Variants in PPP3CA observed in about 807,000 individuals in gnomAD.
PPP3CA encodes CAM-PRP catalytic subunit.
A neutral mutation model predicts 66.5 loss-of-function variants in PPP3CA; 14 were observed. The observed-to-expected ratio is 0.21, with a 90% CI of 0.14 to 0.33. PPP3CA has a LOEUF of 0.33. PPP3CA is among the 10% of genes least tolerant of loss of function. PPP3CA has a pLI of 1.00. For missense variants in PPP3CA, 317 were observed against 639.5 expected (o/e 0.50, Z 5.44); for synonymous variants, 232 against 226.2 (o/e 1.03, Z -0.23).
intron 1 of PPP3CA, among the ~76,000 whole-genome samples, chr4:101,322,985 A>G (rs1418682435): frequency 6.6e-6 from 1 of 152,182 alleles, no homozygotes. Flanking sequence ...GTATCAATGT[A>G]TTTAATTAAT....
rs375685378 is a variant in PPP3CA, at chr4:101,109,922, G to A, written c.260-844C>T. Among the ~76,000 whole-genome samples the A allele has an allele frequency of 1.4e-4, 21 of 152,010 alleles. No individual in the cohort carries two copies. The East Asian group carries it at 2.9e-3, about 21-fold the overall frequency. On this transcript the variant is annotated intron_variant, in intron 2 of 13. Coordinates refer to ENST00000394854, the MANE Select transcript of PPP3CA (RefSeq NM_000944.5). ...CTCTAAAAATAATATTTTTATCTCA[G>A]TTATACAGATAATGAAATAATATAG...
chr4:101,056,263 A>AAACTT (rs1163762545), intron 10 of PPP3CA, among the ~76,000 whole-genome samples: 1 of 152,214 alleles, frequency 6.6e-6, no homozygotes, highest in African/African-American at 2.4e-5. Context: ...ATTGCCTAGT[A>AAACTT]AACTTAACAT....
chr4:101,200,115 C>T (rs987253553), intron 1 of PPP3CA, among the ~76,000 whole-genome samples: 1 of 152,060 alleles, frequency 6.6e-6, no homozygotes, highest in African/African-American at 2.4e-5. Flanking sequence ...TGGGATAGTT[C>T]CAGGTATCTA....
At chr4:101,173,472 C>T (rs1397260379) in intron 2 of PPP3CA, among the ~76,000 whole-genome samples, 2 of 152,018 alleles carry the variant, frequency 1.3e-5, no homozygotes, top group Admixed American at 1.3e-4. Flanking sequence ...TAGCAATTGA[C>T]ATTTTTATTA....
chr4:101,155,507 A>C (rs1723289800), intron 2 of PPP3CA, among the ~76,000 whole-genome samples: 1 of 152,196 alleles, frequency 6.6e-6, no homozygotes, highest in Non-Finnish European at 1.5e-5. Flanking sequence ...CAAGCACTCC[A>C]AGATCAGAAA....
At chr4:101,246,965 T>C (rs1004443830) in intron 1 of PPP3CA, among the ~76,000 whole-genome samples, 21 of 152,208 alleles carry the variant, frequency 1.4e-4, no homozygotes, top group Admixed American at 3.9e-4. Flanking sequence ...TCATCAACCT[T>C]ATGAGAAAAA....
intron 1 of PPP3CA, among the ~76,000 whole-genome samples, chr4:101,311,726 T>C (rs1728727967): frequency 6.6e-6 from 1 of 152,138 alleles, no homozygotes; most frequent in African/African-American, 2.4e-5. Flanking sequence ...GTTGCAGTGA[T>C]CTGAGATCGT....
chr4:101,258,470 T>G (rs1431636677), intron 1 of PPP3CA, among the ~76,000 whole-genome samples: 2 of 152,112 alleles, frequency 1.3e-5, no homozygotes, highest in African/African-American at 4.8e-5. Context: ...TCTCAATGTT[T>G]TAGACACTAA....
chr4:101,163,716 T>C (rs1483357858), intron 2 of PPP3CA, among the ~76,000 whole-genome samples: 1 of 152,154 alleles, frequency 6.6e-6, no homozygotes, highest in Non-Finnish European at 1.5e-5. Flanking sequence ...CTCTGGCATA[T>C]ATGATAGGTA....
chr4:101,026,653 G>GA (rs35085033), intron 13 of PPP3CA, among the ~76,000 whole-genome samples: 29 of 125,110 alleles, frequency 2.3e-4, no homozygotes, highest in Admixed American at 6.0e-4. Context: ...ATGATGACAT[G>GA]AAAAAAAAAG....
rs3077992 is a variant in PPP3CA at position 101,278,122 on chromosome 4, TAA to T, written c.58+68615_58+68616del. Among the ~76,000 whole-genome samples, 546 of 112,076 alleles carry T rather than the reference TAA, an allele frequency of 4.9e-3. 4 individuals carry two copies. Among genetic ancestry groups the T allele is most frequent in the Middle Eastern group, 0.013 (3 of 230 alleles). The allele number at this position is 112,076 out of a possible 152,430, so 73.5% of individuals were successfully genotyped here. A position where few individuals can be genotyped will look rare whatever the true frequency, so the allele number is the denominator to read the frequency against. On this transcript the variant is annotated intron_variant, in intron 1 of 13. Transcript: ENST00000394854. Reference sequence around the variant, plus strand: ...AAAATGAAACTTTAAAAGCTATTAGTAAAAAAAAAAAAAAAAATAAAAAAATT... The same window carrying T: ...AAAATGAAACTTTAAAAGCTATTAGTAAAAAAAAAAAAAAATAAAAAAATT...
intron 3 of PPP3CA, among the ~76,000 whole-genome samples, chr4:101,100,935 A>T (rs571756037): frequency 1.3e-5 from 2 of 152,276 alleles, no homozygotes; most frequent in Admixed American, 6.5e-5. Flanking sequence ...ATGATAATTT[A>T]TGAAATGAGT....
At chr4:101,131,954 C>T (rs1298012920) in intron 2 of PPP3CA, among the ~76,000 whole-genome samples, 1 of 152,196 alleles carries the variant, frequency 6.6e-6, no homozygotes, top group Admixed American at 6.5e-5. Flanking sequence ...GAAAGCCACT[C>T]AAAACCACAC....
At chr4:101,305,275 C>T (rs1728499481) in intron 1 of PPP3CA, among the ~76,000 whole-genome samples, 1 of 152,100 alleles carries the variant, frequency 6.6e-6, no homozygotes, top group East Asian at 1.9e-4. Context: ...TTTTAAAGTT[C>T]ACGACTGAAA....
At chr4:101,242,467 G>A (rs1031102524) in intron 1 of PPP3CA, among the ~76,000 whole-genome samples, 1 of 152,040 alleles carries the variant, frequency 6.6e-6, no homozygotes, top group Non-Finnish European at 1.5e-5. Context: ...GGGGAGACAA[G>A]TGCCAGAGAA....
chr4:101,248,800 C>A (rs1726573155), intron 1 of PPP3CA, among the ~76,000 whole-genome samples: 2 of 152,120 alleles, frequency 1.3e-5, no homozygotes, highest in Admixed American at 1.3e-4. Flanking sequence ...CTCTGAAATT[C>A]AAATCTGAAC....
chr4:101,081,539 G>C (rs1436265756), intron 7 of PPP3CA, among the ~76,000 whole-genome samples: 1 of 152,114 alleles, frequency 6.6e-6, no homozygotes, highest in Admixed American at 6.5e-5. Context: ...TGACTTCTGT[G>C]TAATCAATTT....
intron 2 of PPP3CA, among the ~76,000 whole-genome samples, chr4:101,188,924 C>T (rs1164480604): frequency 1.3e-5 from 2 of 152,120 alleles, no homozygotes; most frequent in East Asian, 1.9e-4. Context: ...TAATATTACA[C>T]TTTATATACC....
intron 8 of PPP3CA, among the ~76,000 whole-genome samples, chr4:101,077,377 G>T (rs1022735183): frequency 2.0e-5 from 3 of 152,120 alleles, no homozygotes; most frequent in African/African-American, 7.2e-5. Context: ...ATTATCATTT[G>T]CTTCTAACAA....
Sources: gnomAD v4.1 joint callset for allele counts (sites outside exome capture counted in the v4.1 genomes callset) on GRCh38, gnomAD v4.1.1 for gene constraint, MANE v1.5 for transcripts, NCBI Gene and HGNC (gene_info 2026-07-23, HGNC 2026-07-21) for gene names.